Variants in RIN3 observed in about 807,000 individuals in gnomAD.
RIN3 encodes the protein RAB5 interacting protein 3.
RIN3 carries 54 observed loss-of-function variants against 76.3 expected under a neutral mutation model. The observed-to-expected ratio is 0.71, with a 90% CI of 0.57 to 0.89. The LOEUF is 0.89. Ranked by LOEUF, RIN3 falls within the 40% of genes least tolerant of loss-of-function variation. The pLI is 0.00. For missense variants in RIN3, 1,256 were observed against 1,322.1 expected (o/e 0.95, Z 0.78); for synonymous variants, 576 against 564.0 (o/e 1.02, Z -0.30).
intron 6 of RIN3, among the ~76,000 whole-genome samples, chr14:92,654,780 G>A (rs1011782835): frequency 2.0e-5 from 3 of 152,204 alleles, no homozygotes; most frequent in Non-Finnish European, 2.9e-5. Context: ...CGCATCAGGT[G>A]CTGGCTCAGA....
intron 7 of RIN3, among the ~76,000 whole-genome samples, chr14:92,669,375 A>C (rs1888212149): frequency 1.3e-5 from 2 of 152,174 alleles, no homozygotes; most frequent in Non-Finnish European, 1.5e-5. Flanking sequence ...GTGGTCAGGG[A>C]AGGCCTCTCT....
intron 7 of RIN3, among the ~76,000 whole-genome samples, chr14:92,661,877 TG>T (rs1329149176): frequency 1.2e-4 from 18 of 152,268 alleles, no homozygotes; most frequent in Non-Finnish European, 1.6e-4. Flanking sequence ...AGAAGCAGGA[TG>T]TAGTGAAGGG....
chr14:92,633,856 GGTGT>G lies in RIN3; in HGVS notation c.441-7361_441-7358del, dbSNP rs33912278. 9.3e-3 allele frequency among the ~76,000 whole-genome samples: 1,370 copies of G among 146,850 alleles called. 17 individuals carry two copies. The highest frequency in any genetic ancestry group is 0.03 in the African/African-American group (1,229 of 40,476). ...CATTTTGCTAAACTTTTGTTTTAGT[GGTGT>G]GTGTGTGTGTGTGTGTGTGTTTGTA... is the stretch of plus-strand genomic sequence containing the variant. On this transcript the variant is annotated intron_variant, in intron 4 of 9. Transcript: ENST00000216487.
intron 3 of RIN3, among the ~76,000 whole-genome samples, chr14:92,591,568 G>A (rs1016350193): frequency 1.3e-5 from 2 of 151,856 alleles, no homozygotes; most frequent in African/African-American, 4.8e-5. Flanking sequence ...CAAAGAAAAA[G>A]TCTTGAAAAA....
intron 3 of RIN3, among the ~76,000 whole-genome samples, chr14:92,578,933 CT>C (rs796205337): frequency 3.3e-4 from 49 of 146,654 alleles, no homozygotes; most frequent in East Asian, 4.0e-4. Flanking sequence ...CTTTTCTTTT[CT>C]TTTTTTTTTT....
At chr14:92,606,161 A>AG (rs1378954101) in intron 3 of RIN3, among the ~76,000 whole-genome samples, 1 of 151,896 alleles carries the variant, frequency 6.6e-6, no homozygotes, top group East Asian at 1.9e-4. Flanking sequence ...AAAAAAAAAA[A>AG]AAGAGGACAA....
chr14:92,627,523 C>T (rs1886398929), intron 4 of RIN3, among the ~76,000 whole-genome samples: 1 of 152,252 alleles, frequency 6.6e-6, no homozygotes, highest in Non-Finnish European at 1.5e-5. Flanking sequence ...ATCATTCACA[C>T]ACACTTTCAA....
chr14:92,640,236 C>T (rs1264835777), intron 4 of RIN3, among the ~76,000 whole-genome samples: 1 of 123,274 alleles, frequency 8.1e-6, no homozygotes, highest in Non-Finnish European at 1.7e-5. Context: ...TGGGAGATGC[C>T]TGACTGTGTG....
rs75424547 is a variant in RIN3, at chr14:92,518,042, G to A, written c.44+4066G>A. On this transcript the variant is annotated intron_variant, in intron 1 of 9. Transcript: ENST00000216487. ...CTCCAACGTGCAGAGCTTGTCTGTGGTCTTGTACCTTTGCCCATGAGGTTC... is the reference window on the plus strand; with the variant it reads ...CTCCAACGTGCAGAGCTTGTCTGTGATCTTGTACCTTTGCCCATGAGGTTC... 2.3e-3 allele frequency among the ~76,000 whole-genome samples: 356 copies of A among 152,326 alleles called. 1 individual carries two copies. The highest frequency in any genetic ancestry group is 8.2e-3 in the African/African-American group (342 of 41,572).
chr14:92,684,950 C>T (rs1211102522), intron 8 of RIN3, 37 bp from the exon 9 acceptor site: 5 of 1,585,808 alleles, frequency 3.2e-6, no homozygotes, highest in African/African-American at 2.7e-5. Context: ...TGGGCGGAGG[C>T]GGTCCTGGCT....
chr14:92,515,531 T>A, intron 1 of RIN3: 1 of 461,916 alleles, frequency 2.2e-6, no homozygotes, highest in Non-Finnish European at 3.8e-6. Flanking sequence ...AGAGTTGTTT[T>A]GAGGACTAAA....
chr14:92,616,408 G>A (rs1187536659), intron 4 of RIN3, among the ~76,000 whole-genome samples: 1 of 152,000 alleles, frequency 6.6e-6, no homozygotes, highest in Non-Finnish European at 1.5e-5. Flanking sequence ...AGAGGATGAC[G>A]TAAAGTTACA....
At chr14:92,596,929 A>C (rs1190575842) in intron 3 of RIN3, among the ~76,000 whole-genome samples, 2 of 152,194 alleles carry the variant, frequency 1.3e-5, no homozygotes, top group African/African-American at 4.8e-5. Context: ...TCTCTTCCCA[A>C]CTTGGTGGTA....
At position 92,651,869 on chromosome 14, in the gene RIN3, A is replaced by T; in HGVS notation, c.820A>T (p.Arg274Trp). The T allele has an allele frequency of 6.2e-7, 1 of 1,606,384 alleles. No homozygotes were observed. The highest frequency in any genetic ancestry group is 8.5e-7 in the Non-Finnish European group (1 of 1,176,126). Residue 274 changes from arginine to tryptophan, a missense_variant, in exon 6 of 10, where the codon AGG becomes TGG. Arg to Trp is a moderately radical substitution (Grantham distance 101, BLOSUM62 -3). Transcript: ENST00000216487. ...PTSDATSPTS[R>W]WAPRRPPPPP... ...CTCTGATGCCACCTCACCCACCTCC[A>T]GGTGGGCCCCACGCCGCCCACCACC...
At chr14:92,548,129 T>A (rs1169765462) in intron 1 of RIN3, among the ~76,000 whole-genome samples, 1 of 152,230 alleles carries the variant, frequency 6.6e-6, no homozygotes, top group African/African-American at 2.4e-5. Flanking sequence ...ATTATTTCTA[T>A]GTATATTTCT....
rs2139983835 is a variant in RIN3, at chr14:92,514,647, G to T, written c.44+671G>T. 6.6e-6 allele frequency among the ~76,000 whole-genome samples: 1 copy of T among 152,336 alleles called. No individual in the cohort carries two copies. The highest frequency in any genetic ancestry group is 1.5e-5 in the Non-Finnish European group (1 of 68,022). On this transcript the variant is annotated intron_variant, in intron 1 of 9. Transcript: ENST00000216487. This position sits in a 1 kb window ranked among gnomAD's most constrained non-coding sequence, Gnocchi z 7.2. ...GCGCGGGCTGTGGATGCATGACGCC[G>T]AATGGTTTGGGAACTGACTTGGAGA...
At chr14:92,581,893 A>G (rs1028909145) in intron 3 of RIN3, among the ~76,000 whole-genome samples, 1 of 152,168 alleles carries the variant, frequency 6.6e-6, no homozygotes, top group Non-Finnish European at 1.5e-5. Context: ...GTGGATGGAA[A>G]ATCACTAAGG....
intron 3 of RIN3, among the ~76,000 whole-genome samples, chr14:92,596,899 G>C (rs1464663282): frequency 6.6e-6 from 1 of 152,172 alleles, no homozygotes; most frequent in East Asian, 1.9e-4. Context: ...ATGTCAGCTG[G>C]TGACAGCTGA....
chr14:92,527,046 CTTTTTTTTTTTT>C (rs1215618245), intron 1 of RIN3, among the ~76,000 whole-genome samples: 6 of 109,996 alleles, frequency 5.5e-5, no homozygotes, highest in Non-Finnish European at 1.1e-4. Flanking sequence ...TTCTCCCCAT[CTTTTTTTTTTTT>C]TTTTTTTTTT....
Sources: allele counts gnomAD v4.1 joint callset (sites outside exome capture counted in the v4.1 genomes callset), GRCh38; gene constraint gnomAD v4.1.1; non-coding constraint Gnocchi (gnomAD v3.1); transcripts MANE v1.5; gene names NCBI Gene and HGNC (gene_info 2026-07-23, HGNC 2026-07-21).